The following HSPBP1 variants were observed in gnomAD, a reference collection of about 807,000 sequenced individuals.
HSPBP1 encodes the protein hsp70-binding protein 1.
In HSPBP1, 31 loss-of-function variants were observed where a neutral mutation model predicts 41.7. The ratio of observed to expected loss-of-function variants is 0.74; its 90% CI spans 0.56 to 1.00. The LOEUF (loss-of-function observed/expected upper bound fraction) is 1.00, where lower values mean the gene tolerates loss of function less well. Among genes scored for constraint, HSPBP1 ranks in the 50% least tolerant of loss-of-function variants. The probability of loss-of-function intolerance (pLI) is 0.00; values close to 1 mark genes in which losing one functional copy is unlikely to be tolerated. For missense variants in HSPBP1, 439 were observed against 487.9 expected (o/e 0.90, Z 0.94); for synonymous variants, 199 against 214.4 (o/e 0.93, Z 0.63).
At position 55,262,477 on chromosome 19, in the gene HSPBP1, A is replaced by T; in HGVS notation, c.*131T>A. 1 of 1,477,798 alleles carries T rather than the reference A, an allele frequency of 6.8e-7. No homozygotes were observed. The highest frequency in any genetic ancestry group is 9.0e-7 in the Non-Finnish European group (1 of 1,111,386). The allele number at this position is 1,477,798 out of a possible 1,614,324, so 91.5% of individuals were successfully genotyped here. On this transcript the variant is annotated 3_prime_UTR_variant, in exon 8 of 8. Transcript: ENST00000433386. The stretch of plus-strand genomic sequence containing the variant: ...TCAGCGCCCCTTCCAGGGACTGCAC[A>T]GAGACGGGCTGGCACACCCTGGGTC...
At chr19:55,274,347 A>AGGGCCCCCCCCC in intron 4 of HSPBP1, 51 bp downstream of exon 4, 1 of 325,718 alleles carries the variant, frequency 3.1e-6, no homozygotes, top group Non-Finnish European at 5.7e-6. Context: ...CCCACCCGGC[A>AGGGCCCCCCCCC]CCCCCCCCCA....
chr19:55,268,913 C>T lies in HSPBP1; in HGVS notation c.641-2627G>A, dbSNP rs1403958136. On this transcript the variant is annotated intron_variant, in intron 4 of 7. Coordinates refer to ENST00000433386, the MANE Select transcript of HSPBP1 (RefSeq NM_012267.5). The surrounding 1 kb of genome is among the most constrained non-coding windows in gnomAD (Gnocchi z 4.5). ...CTTGAGCTCCTGGCTTCAAGTGATC[C>T]ACCTGTCTCGGCCTCCCAAAATGTT... 1.3e-5 allele frequency among the ~76,000 whole-genome samples: 2 copies of T among 152,084 alleles called. No individual in the cohort carries two copies. The highest frequency in any genetic ancestry group is 4.8e-5 in the African/African-American group (2 of 41,402).
At chr19:55,274,274 A>G (rs1057376305) in intron 4 of HSPBP1, 124 bp downstream of exon 4, 3 of 959,984 alleles carry the variant, frequency 3.1e-6, no homozygotes, top group Non-Finnish European at 3.1e-6. Flanking sequence ...CAGGGGTCCA[A>G]CAAGCATGGG....
intron 1 of HSPBP1, 86 bp from the exon 2 acceptor site, chr19:55,279,788 C>G: frequency 7.0e-7 from 1 of 1,428,070 alleles, no homozygotes; most frequent in Non-Finnish European, 9.5e-7. Context: ...AACCACAGCC[C>G]CTTTTCCTTC....
At position 55,274,515 on chromosome 19, in the gene HSPBP1, T is replaced by C; in HGVS notation, c.523A>G (p.Asn175Asp). 1 of 1,605,244 alleles carries C rather than the reference T, an allele frequency of 6.2e-7. No individual in the cohort carries two copies. Among genetic ancestry groups the C allele is most frequent in the Non-Finnish European group, 8.5e-7 (1 of 1,178,040 alleles). ...AAQLIGTCSQNVAAIQEQVLG... is the reference protein window; with the variant it reads ...AAQLIGTCSQDVAAIQEQVLG... ...ACCTGCTCCTGGATGGCTGCCACGT[T>C]CTGACTGCACGTGCCGATGAGCTGT... The change falls in exon 4 of 8, where the codon AAC becomes GAC. Residue 175 changes from asparagine to aspartate, a missense_variant. Physicochemically the swap from Asn to Asp is conservative, Grantham distance 23 (BLOSUM62 1). Coordinates refer to ENST00000433386, the MANE Select transcript of HSPBP1 (RefSeq NM_012267.5).
chr19:55,278,923 C>CCCCCCAA, intron 2 of HSPBP1, among the ~76,000 whole-genome samples: 1 of 90,666 alleles, frequency 1.1e-5, no homozygotes, highest in South Asian at 3.9e-4. Flanking sequence ...CTGCCCCCAC[C>CCCCCCAA]AAAAAAAAAA....
At chr19:55,269,429 C>G (rs2087865386) in intron 4 of HSPBP1, among the ~76,000 whole-genome samples, 1 of 152,186 alleles carries the variant, frequency 6.6e-6, no homozygotes, top group Admixed American at 6.6e-5. Context: ...ACCCTCTTCT[C>G]TGTGCAGCAG....
chr19:55,277,768 G>T lies in HSPBP1; in HGVS notation c.289C>A (p.Leu97Ile), dbSNP rs747332520. 2 of 1,606,770 alleles carry T rather than the reference G, an allele frequency of 1.2e-6. No homozygotes were observed. The highest frequency in any genetic ancestry group is 2.2e-5 in the South Asian group (2 of 90,060). Residue 97 changes from leucine to isoleucine, a missense_variant, in exon 3 of 8, where the codon CTC (leucine) becomes ATC (isoleucine). Coordinates refer to ENST00000433386, the MANE Select transcript of HSPBP1 (RefSeq NM_012267.5). ...REEVEQMKSC[L>I]RVLSQPMPPT... ...GGCATGGGCTGTGACAGCACTCGGA[G>T]GCAGCTCTTCATCTGCTCCACCTCC... is the stretch of plus-strand genomic sequence containing the variant.
intron 4 of HSPBP1, 39 bp downstream of exon 4, chr19:55,274,359 C>CCCCCCCCCCCCCGG: frequency 2.3e-6 from 2 of 853,672 alleles, no homozygotes; most frequent in Non-Finnish European, 3.5e-6. Context: ...CCCCCCCCAC[C>CCCCCCCCCCCCCGG]GCCAGCACCC....
At position 55,262,306 on chromosome 19, in the gene HSPBP1, T is replaced by C. The variant is rs766096251; in HGVS notation, c.*302A>G. ...CCCGTGCCCCTCCTCCCGTCCCCCA[T>C]GCACCCTCCAAAGGAGATGACAAAG... On this transcript the variant is annotated 3_prime_UTR_variant, in exon 8 of 8. Coordinates refer to ENST00000433386, the MANE Select transcript of HSPBP1 (RefSeq NM_012267.5). 16 of 1,167,130 alleles carry C rather than the reference T, an allele frequency of 1.4e-5. No individual in the cohort carries two copies. The highest frequency in any genetic ancestry group is 1.7e-5 in the Non-Finnish European group (16 of 929,972). 72.3% of individuals were successfully genotyped at this position (1,167,130 alleles called of 1,614,324 possible).
intron 4 of HSPBP1, among the ~76,000 whole-genome samples, chr19:55,271,242 ACT>A (rs2087917047): frequency 6.6e-6 from 1 of 150,514 alleles, no homozygotes; most frequent in Admixed American, 6.6e-5. Flanking sequence ...ACAGGGTCTC[ACT>A]CTGTCACCCA....
chr19:55,278,565 G>A (rs565958082), intron 2 of HSPBP1, among the ~76,000 whole-genome samples: 1 of 152,102 alleles, frequency 6.6e-6, no homozygotes, highest in East Asian at 1.9e-4. Context: ...TCACAGAAAG[G>A]TTGAGACTTA....
Position 55,266,294 on chromosome 19 carries a change from A to T in HSPBP1, c.641-8T>A. On this transcript the variant is annotated splice_region_variant and splice_polypyrimidine_tract_variant and intron_variant, in intron 4 of 7. Coordinates refer to ENST00000433386, the MANE Select transcript of HSPBP1 (RefSeq NM_012267.5). The stretch of plus-strand genomic sequence containing the variant: ...CCTGCTCTCGGACCAGACCTGGGAG[A>T]GGGGGAAAGGTCCTGAGCTTGCAGT... The T allele has an allele frequency of 6.4e-7, 1 of 1,565,854 alleles. No individual in the cohort carries two copies. Among genetic ancestry groups the T allele is most frequent in the Non-Finnish European group, 8.7e-7 (1 of 1,155,380 alleles).
intron 4 of HSPBP1, 53 bp downstream of exon 4, chr19:55,274,345 G>GGCCCCCCC: frequency 5.4e-6 from 3 of 552,676 alleles, no homozygotes; most frequent in Non-Finnish European, 9.2e-6. Context: ...GGCCCACCCG[G>GGCCCCCCC]CACCCCCCCC....
At chr19:55,262,798 C>T (rs2087680975) in intron 7 of HSPBP1, 116 bp from the exon 8 acceptor site, 5 of 879,438 alleles carry the variant, frequency 5.7e-6, no homozygotes, top group Non-Finnish European at 9.0e-6. Flanking sequence ...ACCCACTCCC[C>T]CCCACCAGAG....
chr19:55,268,217 G>A lies in HSPBP1; in HGVS notation c.641-1931C>T, dbSNP rs2087836099. On this transcript the variant is annotated intron_variant, in intron 4 of 7. Coordinates refer to ENST00000433386, the MANE Select transcript of HSPBP1 (RefSeq NM_012267.5). This position sits in a 1 kb window ranked among gnomAD's most constrained non-coding sequence, Gnocchi z 4.5. ...AGGCCGAGGTGGGCAGATCACTTGAGGTCAGGAGTTCGAGACCAGCCTGAC... is the reference window on the plus strand; with the variant it reads ...AGGCCGAGGTGGGCAGATCACTTGAAGTCAGGAGTTCGAGACCAGCCTGAC... Among the ~76,000 whole-genome samples, 1 of 152,038 alleles carries A rather than the reference G, an allele frequency of 6.6e-6. No individual in the cohort carries two copies. Among genetic ancestry groups the A allele is most frequent in the Admixed American group, 6.6e-5 (1 of 15,250 alleles).
rs1352705393 is a variant in HSPBP1 at position 55,270,984 on chromosome 19, C to T, written c.640+3414G>A. Among the ~76,000 whole-genome samples the T allele has an allele frequency of 6.6e-6, 1 of 151,144 alleles. No individual in the cohort carries two copies. The highest frequency in any genetic ancestry group is 1.9e-4 in the East Asian group (1 of 5,156). ...CCAAACACCCCACATACACACCATA[C>T]ACACCCTACACACGCGCCACACACC... On this transcript the variant is annotated intron_variant, in intron 4 of 7. Coordinates refer to ENST00000433386, the MANE Select transcript of HSPBP1 (RefSeq NM_012267.5). This position sits in a 1 kb window ranked among gnomAD's most constrained non-coding sequence, Gnocchi z 5.4.
chr19:55,276,582 G>A (rs1477632525), intron 3 of HSPBP1, among the ~76,000 whole-genome samples: 1 of 152,184 alleles, frequency 6.6e-6, no homozygotes, highest in Non-Finnish European at 1.5e-5. Context: ...CTGCTGTGAT[G>A]ATTGGACACT....
chr19:55,277,699 G>A lies in HSPBP1; in HGVS notation c.358C>T (p.Arg120Ter), dbSNP rs769289721. The A allele has an allele frequency of 4.4e-6, 7 of 1,605,172 alleles. No homozygotes were observed. Among genetic ancestry groups the A allele is most frequent in the Non-Finnish European group, 5.1e-6 (6 of 1,176,754 alleles). ...GCCAGCAGCTCCAGGGCCCCCTCTC[G>A]CTCTTGCTGGTCGGCCGCCTGCTCG... Reference protein sequence around the residue: ...EAEQAADQQEREGALELLADL... With the variant: ...EAEQAADQQE The change falls in exon 3 of 8, where the codon CGA (arginine) becomes TGA (stop). Residue 120 changes from arginine (R) to a stop codon, truncating the protein, a stop_gained. Coordinates refer to ENST00000433386, the MANE Select transcript of HSPBP1 (RefSeq NM_012267.5). LOFTEE classifies it high-confidence loss of function.
Sources: gnomAD v4.1 joint callset for allele counts (sites outside exome capture counted in the v4.1 genomes callset) on GRCh38, gnomAD v4.1.1 for gene constraint, Gnocchi (gnomAD v3.1) non-coding constraint, MANE v1.5 for transcripts, NCBI Gene and HGNC (gene_info 2026-07-23, HGNC 2026-07-21) for gene names.